NPAS3: variants seen among roughly 807,000 people sequenced by gnomAD.
NPAS3 encodes the protein neuronal PAS domain-containing protein 3.
Under a neutral mutation model 73.1 loss-of-function variants are expected in NPAS3, and 14 were observed. The observed-to-expected ratio is 0.19, with a 90% confidence interval of 0.13 to 0.30. The LOEUF is 0.30. NPAS3 is among the 10% of genes least tolerant of loss of function. The pLI, the probability that NPAS3 is intolerant of heterozygous loss-of-function variation, is 1.00. For missense variants in NPAS3, 1,096 were observed against 1,250.0 expected, an observed-to-expected ratio of 0.88 and a Z score of 1.86; for synonymous variants, 620 against 541.5, an observed-to-expected ratio of 1.14 and a Z score of -2.01.
At chr14:33,269,104 A>C (rs978771508) in intron 3 of NPAS3, among the ~76,000 whole-genome samples, 1 of 152,228 alleles carries the variant, frequency 6.6e-6, no homozygotes, top group East Asian at 1.9e-4. Flanking sequence ...ATAGTCGCCT[A>C]GGAAACAGTG....
chr14:33,205,847 C>A (rs867332372), intron 2 of NPAS3, among the ~76,000 whole-genome samples: 2 of 152,264 alleles, frequency 1.3e-5, no homozygotes, highest in Admixed American at 6.5e-5. Flanking sequence ...GCTGGAAAGT[C>A]TTCAGAAGCT....
chr14:33,166,186 T>C lies in NPAS3; in HGVS notation c.141-48996T>C, dbSNP rs540462169. On this transcript the variant is annotated intron_variant, in intron 2 of 11. Coordinates refer to ENST00000356141, the Ensembl canonical transcript of NPAS3. Reference sequence around the variant, plus strand: ...TCGGTTCAATTTGCTGCTGTCATCTTCTTGAAATCCTTAATAATGTTTAAT... The same window carrying C: ...TCGGTTCAATTTGCTGCTGTCATCTCCTTGAAATCCTTAATAATGTTTAAT... Among the ~76,000 whole-genome samples the C allele has an allele frequency of 7.9e-4, 120 of 152,176 alleles. 2 individuals carry two copies. The highest frequency in any genetic ancestry group is 1.5e-3 in the Non-Finnish European group (103 of 68,022).
At chr14:33,438,078 T>G (rs562120251) in intron 4 of NPAS3, among the ~76,000 whole-genome samples, 5 of 152,312 alleles carry the variant, frequency 3.3e-5, no homozygotes, top group African/African-American at 1.2e-4. Context: ...ATAATATATG[T>G]ATGTCAGTCA....
intron 6 of NPAS3, among the ~76,000 whole-genome samples, chr14:33,703,976 T>C (rs1365552586): frequency 6.6e-6 from 1 of 152,222 alleles, no homozygotes; most frequent in Non-Finnish European, 1.5e-5. Flanking sequence ...GAATCTCGTC[T>C]CAGAGCTGGG....
chr14:33,434,504 G>A (rs971310010), intron 4 of NPAS3, among the ~76,000 whole-genome samples: 2 of 151,464 alleles, frequency 1.3e-5, no homozygotes, highest in East Asian at 3.9e-4. Flanking sequence ...CCCAGCCTGG[G>A]TGACAGCAAG....
At chr14:33,731,293 C>T (rs2061392439) in intron 6 of NPAS3, among the ~76,000 whole-genome samples, 1 of 151,838 alleles carries the variant, frequency 6.6e-6, no homozygotes, top group African/African-American at 2.4e-5. Context: ...GTGGCACGCA[C>T]TTGTGATCCC....
intron 7 of NPAS3, among the ~76,000 whole-genome samples, chr14:33,747,628 G>A (rs949910951): frequency 2.0e-5 from 3 of 152,182 alleles, no homozygotes; most frequent in Admixed American, 6.5e-5. Context: ...CTGCTGCCTG[G>A]GCAGGTGTGT....
intron 4 of NPAS3, among the ~76,000 whole-genome samples, chr14:33,482,506 T>C (rs780263487): frequency 1.3e-5 from 2 of 152,170 alleles, no homozygotes; most frequent in Non-Finnish European, 2.9e-5. Context: ...TTACAGAAGT[T>C]GAAACGTGGT....
At chr14:33,008,527 C>T (rs760120221) in intron 1 of NPAS3, among the ~76,000 whole-genome samples, 3 of 151,954 alleles carry the variant, frequency 2.0e-5, no homozygotes, top group South Asian at 2.1e-4. Context: ...TGTGAAATCA[C>T]GAAATTTAAA....
chr14:33,148,317 A>C (rs2044320404), intron 2 of NPAS3, among the ~76,000 whole-genome samples: 1 of 152,216 alleles, frequency 6.6e-6, no homozygotes, highest in African/African-American at 2.4e-5. Context: ...GTATATAAAA[A>C]TATTACATCA....
chr14:33,664,906 G>A (rs1429976251), intron 5 of NPAS3, among the ~76,000 whole-genome samples: 1 of 152,186 alleles, frequency 6.6e-6, no homozygotes, highest in Non-Finnish European at 1.5e-5. Flanking sequence ...TACACCGTTG[G>A]TGGGAGTGTA....
intron 2 of NPAS3, among the ~76,000 whole-genome samples, chr14:33,163,533 G>A (rs143278559): frequency 1.3e-5 from 2 of 151,980 alleles, no homozygotes; most frequent in South Asian, 2.1e-4. Context: ...TTTAGCTATT[G>A]ATATGGGCTG....
At chr14:33,705,661 T>C (rs1355019865) in intron 6 of NPAS3, among the ~76,000 whole-genome samples, 4 of 152,184 alleles carry the variant, frequency 2.6e-5, no homozygotes, top group Admixed American at 2.6e-4. Context: ...TACAAGCCAC[T>C]GTGGCAAATA....
intron 3 of NPAS3, among the ~76,000 whole-genome samples, chr14:33,311,773 C>T (rs894170459): frequency 3.9e-5 from 6 of 152,024 alleles, no homozygotes; most frequent in African/African-American, 1.4e-4. Flanking sequence ...ATTATTAATA[C>T]CTATGGGTGA....
At chr14:33,030,461 T>G (rs1029973726) in intron 1 of NPAS3, among the ~76,000 whole-genome samples, 2 of 152,224 alleles carry the variant, frequency 1.3e-5, no homozygotes, top group African/African-American at 4.8e-5. Context: ...AAATCTCATT[T>G]TATTCCCCAA....
intron 3 of NPAS3, among the ~76,000 whole-genome samples, chr14:33,292,177 C>T (rs779988775): frequency 9.2e-5 from 14 of 152,148 alleles, no homozygotes; most frequent in South Asian, 2.1e-4. Flanking sequence ...CAAAAGCATC[C>T]GTTTGAAAAA....
At chr14:33,567,802 G>A (rs2056033886) in intron 5 of NPAS3, among the ~76,000 whole-genome samples, 1 of 152,104 alleles carries the variant, frequency 6.6e-6, no homozygotes, top group African/African-American at 2.4e-5. Context: ...TTTTTAACAG[G>A]TCTTCAGAGT....
chr14:33,175,630 C>A (rs1446368900), intron 2 of NPAS3, among the ~76,000 whole-genome samples: 1 of 152,054 alleles, frequency 6.6e-6, no homozygotes, highest in Admixed American at 6.6e-5. Flanking sequence ...TAATAAGTGG[C>A]AATACATGCT....
chr14:33,716,225 T>C (rs1050896566), intron 6 of NPAS3, among the ~76,000 whole-genome samples: 1 of 152,212 alleles, frequency 6.6e-6, no homozygotes, highest in Non-Finnish European at 1.5e-5. Flanking sequence ...AAGTGCTTCA[T>C]ACATATCTGC....
Sources: allele counts gnomAD v4.1 joint callset (sites outside exome capture counted in the v4.1 genomes callset), GRCh38; gene constraint gnomAD v4.1.1; transcripts MANE v1.5; gene names NCBI Gene and HGNC (gene_info 2026-07-23, HGNC 2026-07-21).